The following PDS5A variants were observed in gnomAD, a reference collection of about 807,000 sequenced individuals.
The protein encoded by PDS5A is sister chromatid cohesion protein PDS5 homolog A.
Under a neutral mutation model 167.1 loss-of-function variants are expected in PDS5A, and 42 were observed. That is an observed-to-expected ratio of 0.25 (90% CI 0.20 to 0.33). The LOEUF is 0.33. Ranked by LOEUF, PDS5A falls within the 10% of genes least tolerant of loss-of-function variation. PDS5A has a pLI of 1.00. For missense variants in PDS5A, 1,033 were observed against 1,605.9 expected, an observed-to-expected ratio of 0.64 and a Z score of 6.10; for synonymous variants, 553 against 554.6, an observed-to-expected ratio of 1.00 and a Z score of 0.04.
At position 39,951,701 on chromosome 4, in the gene PDS5A, C is replaced by A. The variant is rs190736613; in HGVS notation, c.139-23537G>T. On this transcript the variant is annotated intron_variant, in intron 2 of 32. Coordinates refer to ENST00000303538, the MANE Select transcript of PDS5A (RefSeq NM_001100399.2). Reference sequence around the variant, plus strand: ...GGATCACGAGGTCAGGAGATCTAGACCATCCTGGCTAACACGGTGAAACCC... The same window carrying A: ...GGATCACGAGGTCAGGAGATCTAGAACATCCTGGCTAACACGGTGAAACCC... Among the ~76,000 whole-genome samples the A allele has an allele frequency of 8.6e-5, 13 of 151,980 alleles. No individual in the cohort carries two copies. In the East Asian group the frequency reaches 2.1e-3, roughly 25 times the overall value.
intron 18 of PDS5A, among the ~76,000 whole-genome samples, chr4:39,878,387 A>C (rs754062403): frequency 2.0e-5 from 3 of 152,128 alleles, no homozygotes; most frequent in Non-Finnish European, 4.4e-5. Flanking sequence ...CAAGGTCAGG[A>C]GATCGAGACC....
chr4:39,835,488 A>G (rs1472775859), intron 32 of PDS5A, among the ~76,000 whole-genome samples: 1 of 152,150 alleles, frequency 6.6e-6, no homozygotes, highest in Non-Finnish European at 1.5e-5. Flanking sequence ...ATGCTACTGA[A>G]AAAGTTTTCA....
intron 28 of PDS5A, chr4:39,847,190 G>A (rs1717684220): frequency 6.6e-6 from 1 of 152,178 alleles, no homozygotes; most frequent in Non-Finnish European, 1.5e-5. Flanking sequence ...AAGGTGTAGT[G>A]ACAAGTAGGA....
chr4:39,841,312 G>T (rs1716988887), intron 31 of PDS5A, among the ~76,000 whole-genome samples: 1 of 146,492 alleles, frequency 6.8e-6, no homozygotes, highest in Non-Finnish European at 1.5e-5. Flanking sequence ...GTTAATTTTT[G>T]TACTTTTATA....
At chr4:39,973,189 T>C (rs17511522) in intron 2 of PDS5A, 100,549 of 1,163,930 alleles carry the variant, frequency 0.086, 4,791 homozygotes, top group Non-Finnish European at 0.097. Flanking sequence ...TTTAGCTTGG[T>C]GGGCTTGTAA....
intron 2 of PDS5A, among the ~76,000 whole-genome samples, chr4:39,931,820 G>A (rs1160465327): frequency 3.3e-5 from 5 of 151,564 alleles, no homozygotes; most frequent in Non-Finnish European, 7.4e-5. Flanking sequence ...TGGAGGCTAT[G>A]ATACAATGCC....
intron 2 of PDS5A, chr4:39,972,986 C>A (rs1191490490): frequency 4.9e-6 from 2 of 411,356 alleles, no homozygotes; most frequent in Non-Finnish European, 9.0e-6. Flanking sequence ...GGCATTTGCT[C>A]GGTACATAAT....
chr4:39,891,253 G>A (rs1000582402), intron 16 of PDS5A, among the ~76,000 whole-genome samples: 17 of 151,230 alleles, frequency 1.1e-4, no homozygotes, highest in East Asian at 8.1e-4. Context: ...GGCTGGTCTC[G>A]AACTCCCGAA....
intron 11 of PDS5A, among the ~76,000 whole-genome samples, chr4:39,906,917 TAAAAAAAAA>T (rs1191690836): frequency 5.6e-5 from 3 of 54,030 alleles, no homozygotes; most frequent in Admixed American, 2.0e-4. Context: ...ATTTCTTACA[TAAAAAAAAA>T]AAAAAAAAAA....
intron 17 of PDS5A, among the ~76,000 whole-genome samples, chr4:39,882,514 G>A (rs935420633): frequency 1.2e-4 from 19 of 152,230 alleles, no homozygotes; most frequent in African/African-American, 4.6e-4. Flanking sequence ...AGTCAACATT[G>A]CTTGAATTTA....
chr4:39,826,473 T>TTTTTTTTA (rs112223808), intron 32 of PDS5A, among the ~76,000 whole-genome samples: 1 of 143,714 alleles, frequency 7.0e-6, no homozygotes, highest in Non-Finnish European at 1.5e-5. Context: ...CATTCCACAT[T>TTTTTTTTA]TTTATTTATT....
At chr4:39,872,435 C>A (rs891741313) in intron 21 of PDS5A, among the ~76,000 whole-genome samples, 2 of 151,928 alleles carry the variant, frequency 1.3e-5, no homozygotes, top group Non-Finnish European at 2.9e-5. Flanking sequence ...GAGGCCAAGG[C>A]GGACGGATCA....
chr4:39,925,883 G>T lies in PDS5A; in HGVS notation c.480C>A (p.Cys160Ter). Reference protein sequence around the residue: ...SYNICFELEDCNEIFIQLFRT... With the variant: ...SYNICFELED Reference sequence around the variant, plus strand: ...TAAAAAGCTGAATAAAAATTTCATTGCAATCTTCCAATTCAAAGCAGATGT... The same window carrying T: ...TAAAAAGCTGAATAAAAATTTCATTTCAATCTTCCAATTCAAAGCAGATGT... The change falls in exon 5 of 33, where the codon TGC (cysteine) becomes TGA (stop). Residue 160 changes from cysteine (C) to a stop codon, truncating the protein, a stop_gained. Coordinates refer to ENST00000303538, the MANE Select transcript of PDS5A (RefSeq NM_001100399.2). LOFTEE classifies it high-confidence loss of function. 1 of 1,516,370 alleles carries T rather than the reference G, an allele frequency of 6.6e-7. No individual in the cohort carries two copies. Among genetic ancestry groups the T allele is most frequent in the Non-Finnish European group, 9.0e-7 (1 of 1,109,104 alleles). 93.9% of individuals were successfully genotyped at this position (1,516,370 alleles called of 1,614,324 possible). A position where few individuals can be genotyped will look rare whatever the true frequency, so the allele number is the denominator to read the frequency against.
chr4:39,931,770 G>C (rs1170598488), intron 2 of PDS5A, among the ~76,000 whole-genome samples: 1 of 152,112 alleles, frequency 6.6e-6, no homozygotes, highest in African/African-American at 2.4e-5. Flanking sequence ...ACTATACAAG[G>C]GAGTAAATAC....
chr4:39,837,573 C>T (rs1430746313), intron 32 of PDS5A: 4 of 336,334 alleles, frequency 1.2e-5, no homozygotes, highest in Non-Finnish European at 1.6e-5. Flanking sequence ...ACTTGAAAGG[C>T]ACTAAGCAAA....
intron 2 of PDS5A, among the ~76,000 whole-genome samples, chr4:39,928,428 C>G (rs2109736563): frequency 6.6e-6 from 1 of 152,194 alleles, no homozygotes; most frequent in African/African-American, 2.4e-5. Context: ...GAACTTAAGC[C>G]TCTTATTATT....
At chr4:39,973,071 G>C in intron 2 of PDS5A, 2 of 702,876 alleles carry the variant, frequency 2.8e-6, no homozygotes, top group Non-Finnish European at 5.1e-6. Flanking sequence ...GTTTTTCGAT[G>C]TTTAGATATT....
intron 2 of PDS5A, among the ~76,000 whole-genome samples, chr4:39,930,106 T>G (rs1180846290): frequency 4.1e-5 from 6 of 147,736 alleles, no homozygotes; most frequent in South Asian, 4.3e-4. Context: ...TCCCAGCTAC[T>G]CAGGAGGCTG....
At chr4:39,888,769 G>T (rs1304229575) in intron 17 of PDS5A, among the ~76,000 whole-genome samples, 2 of 152,032 alleles carry the variant, frequency 1.3e-5, no homozygotes, top group Non-Finnish European at 2.9e-5. Flanking sequence ...ACAGTAGACT[G>T]GTAGTTACAA....
Sources: gnomAD v4.1 joint callset for allele counts (sites outside exome capture counted in the v4.1 genomes callset) on GRCh38, gnomAD v4.1.1 for gene constraint, MANE v1.5 for transcripts, NCBI Gene and HGNC (gene_info 2026-07-23, HGNC 2026-07-21) for gene names.